KCNIP1: variants seen among roughly 807,000 people sequenced by gnomAD.
KCNIP1 encodes the protein A-type potassium channel modulatory protein KCNIP1.
A neutral mutation model predicts 33.0 loss-of-function variants in KCNIP1; 18 were observed. The ratio of observed to expected loss-of-function variants is 0.55; its 90% CI spans 0.38 to 0.81. KCNIP1 has a LOEUF of 0.81. Among genes scored for constraint, KCNIP1 ranks in the 30% least tolerant of loss-of-function variants. The pLI, the probability that KCNIP1 is intolerant of heterozygous loss-of-function variation, is 0.00. For missense variants in KCNIP1, 238 were observed against 271.6 expected, an observed-to-expected ratio of 0.88 and a Z score of 0.87; for synonymous variants, 93 against 98.3, an observed-to-expected ratio of 0.95 and a Z score of 0.32.
rs543909331 is a variant in KCNIP1 at position 170,569,364 on chromosome 5, T to C, written c.61+64731T>C. Among the ~76,000 whole-genome samples, 4 of 152,346 alleles carry C rather than the reference T, an allele frequency of 2.6e-5. No homozygotes were observed. In the South Asian group the frequency reaches 8.3e-4, roughly 32 times the overall value. On this transcript the variant is annotated intron_variant, in intron 1 of 7. Coordinates refer to ENST00000328939, the MANE Select transcript of KCNIP1 (RefSeq NM_014592.4). ...GCTTTTCCAGAAACATGAATTCTTTTTGACACTTGGCAAACATTTGGGGAC... is the reference window on the plus strand; with the variant it reads ...GCTTTTCCAGAAACATGAATTCTTTCTGACACTTGGCAAACATTTGGGGAC...
In KCNIP1 at chr5:170,648,722, G is replaced by A. The variant is rs115348075; in HGVS notation, c.62-70036G>A. 9.1e-3 allele frequency among the ~76,000 whole-genome samples: 1,385 copies of A among 152,286 alleles called. 9 individuals are homozygous for A. The highest frequency in any genetic ancestry group is 0.015 in the Non-Finnish European group (1,040 of 68,028). On this transcript the variant is annotated intron_variant, in intron 1 of 7. Transcript: ENST00000328939. Reference sequence around the variant, plus strand: ...ATTCATTTGTCAAAACACAGAGAATGTACCAGGAGTGAACCCTAATGTAAA... The same window carrying A: ...ATTCATTTGTCAAAACACAGAGAATATACCAGGAGTGAACCCTAATGTAAA...
At chr5:170,663,187 C>T (rs1208235888) in intron 1 of KCNIP1, among the ~76,000 whole-genome samples, 2 of 152,170 alleles carry the variant, frequency 1.3e-5, no homozygotes, top group African/African-American at 2.4e-5. Context: ...AGACTGAAAC[C>T]CGAGTCTCGG....
intron 1 of KCNIP1, chr5:170,385,178 A>C: frequency 1.0e-6 from 1 of 962,624 alleles, no homozygotes; most frequent in Non-Finnish European, 1.6e-6. Flanking sequence ...CCTAGAACCT[A>C]AGAATGAGCA....
rs1764384052 is a variant in KCNIP1 at position 170,736,237 on chromosome 5, C to T, written c.*431C>T. 1.2e-5 allele frequency: 2 copies of T among 173,800 alleles called. No individual in the cohort carries two copies. Among genetic ancestry groups the T allele is most frequent in the South Asian group, 3.4e-4 (2 of 5,948 alleles). 10.8% of individuals were successfully genotyped at this position (173,800 alleles called of 1,614,324 possible). The stretch of plus-strand genomic sequence containing the variant: ...ACACCATCTCTGATGGCCTCCCAAA[C>T]CAATGTGCCTGTTTCTCTTCCTTTG... On this transcript the variant is annotated 3_prime_UTR_variant, in exon 8 of 8. Coordinates refer to ENST00000328939, the MANE Select transcript of KCNIP1 (RefSeq NM_014592.4).
chr5:170,482,984 A>G (rs1757008150), intron 1 of KCNIP1: 1 of 426,198 alleles, frequency 2.3e-6, no homozygotes. Flanking sequence ...GCATCCCTAG[A>G]AAACATAGCC....
intron 1 of KCNIP1, among the ~76,000 whole-genome samples, chr5:170,644,703 G>A (rs1032862917): frequency 2.0e-5 from 3 of 152,250 alleles, no homozygotes; most frequent in Non-Finnish European, 4.4e-5. Flanking sequence ...AGGGGACACT[G>A]GCTGGAAGCC....
chr5:170,420,734 C>T (rs1755464899), intron 1 of KCNIP1: 8 of 152,114 alleles, frequency 5.3e-5, no homozygotes, highest in Admixed American at 5.2e-4. Flanking sequence ...CGTTCAGGGT[C>T]AACTGTATAT....
chr5:170,707,424 A>C (rs1234953032), intron 1 of KCNIP1, among the ~76,000 whole-genome samples: 4 of 152,206 alleles, frequency 2.6e-5, no homozygotes, highest in African/African-American at 7.2e-5. Context: ...GAATCTAGAT[A>C]ATTCCTTTCC....
chr5:170,623,196 T>C (rs552665642), intron 1 of KCNIP1, among the ~76,000 whole-genome samples: 3 of 149,228 alleles, frequency 2.0e-5, no homozygotes, highest in African/African-American at 7.4e-5. Flanking sequence ...GCCCAGGGGA[T>C]TGGCGACCCC....
chr5:170,721,617 G>C, intron 3 of KCNIP1: 10 of 843,190 alleles, frequency 1.2e-5, no homozygotes, highest in Non-Finnish European at 1.9e-5. Flanking sequence ...ATGATGGCTA[G>C]AGGGAGGGGC....
chr5:170,578,141 A>T (rs1450698843), intron 1 of KCNIP1, among the ~76,000 whole-genome samples: 1 of 152,246 alleles, frequency 6.6e-6, no homozygotes, highest in Non-Finnish European at 1.5e-5. Context: ...GCCCCGTGGC[A>T]GATGAAAGGC....
chr5:170,403,184 G>T (rs1162714711), intron 1 of KCNIP1, among the ~76,000 whole-genome samples: 1 of 152,140 alleles, frequency 6.6e-6, no homozygotes, highest in Non-Finnish European at 1.5e-5. Context: ...AGGCAGAGAG[G>T]TACCAGAGAT....
rs535093852 is a variant in KCNIP1, at chr5:170,418,090, C to T, written c.88+64126C>T. On this transcript the variant is annotated intron_variant, in intron 1 of 7. Coordinates refer to the KCNIP1 transcript ENST00000377360. ...CCTCCTTTAATTTTTTACATCTCAT[C>T]AGTGCCCAAAACTTCTGAAATCAAC... is the stretch of plus-strand genomic sequence containing the variant. Among the ~76,000 whole-genome samples the T allele has an allele frequency of 2.6e-5, 4 of 152,308 alleles. No homozygotes were observed. In the South Asian group the frequency reaches 8.3e-4, roughly 32 times the overall value.
rs559660703 is a variant in KCNIP1 at position 170,463,942 on chromosome 5, GAACT to G, written c.88+109981_88+109984del. 1.3e-3 allele frequency among the ~76,000 whole-genome samples: 202 copies of G among 152,184 alleles called. 1 individual carries two copies. Among genetic ancestry groups the G allele is most frequent in the African/African-American group, 4.5e-3 (189 of 41,546 alleles). Reference sequence around the variant, plus strand: ...AAATAATCCATTATTAGAATTATCAGAACTAATTAACAAGATCAGCAAGGTTACA... The same window carrying G: ...AAATAATCCATTATTAGAATTATCAGAATTAACAAGATCAGCAAGGTTACA... On this transcript the variant is annotated intron_variant, in intron 1 of 7. Coordinates refer to the KCNIP1 transcript ENST00000377360.
chr5:170,412,911 C>G (rs1755233562), intron 1 of KCNIP1, among the ~76,000 whole-genome samples: 1 of 152,162 alleles, frequency 6.6e-6, no homozygotes, highest in South Asian at 2.1e-4. Context: ...ACCTGCCGCC[C>G]CAGGCACCCA....
chr5:170,718,916 G>A (rs200294438), intron 2 of KCNIP1, 34 bp downstream of exon 2: 17 of 1,593,622 alleles, frequency 1.1e-5, no homozygotes, highest in Non-Finnish European at 1.3e-5. Context: ...GGCCTGGGGG[G>A]GGTTCCCACG....
chr5:170,671,158 ATGT>A (rs527291395), intron 1 of KCNIP1, among the ~76,000 whole-genome samples: 68 of 152,022 alleles, frequency 4.5e-4, no homozygotes, highest in Non-Finnish European at 9.3e-4. Context: ...CACGCGCAAA[ATGT>A]TGTTCCTTTT....
rs565620762 is a variant in KCNIP1, at chr5:170,537,178, A to C, written c.61+32545A>C. On this transcript the variant is annotated intron_variant, in intron 1 of 7. Coordinates refer to ENST00000328939, the MANE Select transcript of KCNIP1 (RefSeq NM_014592.4). ...AGAACCTTCTCTTCTCCTGCTGAGAAAGGATTGTGCTGAGTAGTAGAAGCA... is the reference window on the plus strand; with the variant it reads ...AGAACCTTCTCTTCTCCTGCTGAGACAGGATTGTGCTGAGTAGTAGAAGCA... 1.9e-3 allele frequency among the ~76,000 whole-genome samples: 295 copies of C among 152,306 alleles called. 1 individual carries two copies. The Middle Eastern group carries it at 0.027, about 14-fold the overall frequency.
chr5:170,675,902 G>A (rs10475950), intron 1 of KCNIP1, among the ~76,000 whole-genome samples: 80,966 of 151,770 alleles, frequency 0.53, 22,664 homozygotes, highest in East Asian at 0.69. Flanking sequence ...GTAAAAGGTT[G>A]AACAGAACTT....
Sources: allele counts gnomAD v4.1 joint callset (sites outside exome capture counted in the v4.1 genomes callset), GRCh38; gene constraint gnomAD v4.1.1; transcripts MANE v1.5; gene names NCBI Gene and HGNC (gene_info 2026-07-23, HGNC 2026-07-21).